Variants in DRC11L observed in about 807,000 individuals in gnomAD.
DRC11L encodes the protein dynein regulatory complex subunit 11 like.
At chr7:151,192,764 C>G in the DRC11L span, 2 of 399,156 alleles carry the variant, frequency 5.0e-6, no homozygotes, top group Admixed American at 4.4e-5. Context: ...CTTTGGGGGT[C>G]TTCTTATAGA....
chr7:151,200,427 G>A, the DRC11L span: 394 of 399,258 alleles, frequency 9.9e-4, no homozygotes, highest in Middle Eastern at 2.5e-3. Context: ...TGCTGAGTGC[G>A]TTTCCTCTGC....
chr7:151,203,009 T>A, the DRC11L span: 14 of 399,756 alleles, frequency 3.5e-5, no homozygotes, highest in Admixed American at 8.8e-5. Context: ...ATCTCTCGCA[T>A]GAAGGTGGCT....
At chr7:151,194,740 A>G in the DRC11L span, 6 of 393,074 alleles carry the variant, frequency 1.5e-5, no homozygotes, top group East Asian at 1.8e-4. Context: ...TTCTGTGGTC[A>G]AAAACATCTA....
the DRC11L span, chr7:151,197,367 G>T: frequency 2.5e-6 from 1 of 399,004 alleles, no homozygotes; most frequent in South Asian, 1.3e-4. Context: ...GAAGATCAAG[G>T]GGATTTTACA....
At chr7:151,201,367 C>T in the DRC11L span, among the ~76,000 whole-genome samples, 6 of 152,222 alleles carry the variant, frequency 3.9e-5, no homozygotes, top group Admixed American at 6.5e-5. This position sits in a 1 kb window ranked among gnomAD's most constrained non-coding sequence, Gnocchi z 4.1. Flanking sequence ...TGTCTGGCAA[C>T]AGGTACAAAA....
chr7:151,204,780 T>C, the DRC11L span: 1 of 398,998 alleles, frequency 2.5e-6, no homozygotes, highest in African/African-American at 2.1e-5. Context: ...AAGCTGCTCT[T>C]GGTCCAGCAG....
At chr7:151,196,849 T>C in the DRC11L span, 3 of 398,456 alleles carry the variant, frequency 7.5e-6, no homozygotes, top group Admixed American at 4.4e-5. Context: ...CATTTGGTGT[T>C]GTCCCCTTTG....
chr7:151,192,173 A>G, the DRC11L span: 2 of 398,184 alleles, frequency 5.0e-6, no homozygotes, highest in Admixed American at 4.4e-5. Context: ...CCCTTCCAGA[A>G]GACCGGGCTG....
chr7:151,197,794 A>G, the DRC11L span: 2 of 398,720 alleles, frequency 5.0e-6, no homozygotes, highest in Non-Finnish European at 8.9e-6. Flanking sequence ...GCCACAAAAA[A>G]CCATCTGCCC....
chr7:151,203,503 C>T, the DRC11L span: 5 of 398,986 alleles, frequency 1.3e-5, no homozygotes, highest in Non-Finnish European at 2.2e-5. Flanking sequence ...GGATTGGAAC[C>T]TCCAGGTCAG....
the DRC11L span, chr7:151,192,917 G>A: frequency 2.3e-5 from 9 of 398,572 alleles, no homozygotes; most frequent in Middle Eastern, 6.3e-4. Context: ...GATGAGGGCC[G>A]GCCTTGAGCA....
chr7:151,199,800 C>G, the DRC11L span, among the ~76,000 whole-genome samples: 1 of 152,240 alleles, frequency 6.6e-6, no homozygotes, highest in African/African-American at 2.4e-5. This position sits in a 1 kb window ranked among gnomAD's most constrained non-coding sequence, Gnocchi z 5.2. Flanking sequence ...GAGCATGCTC[C>G]GGCCACCCCT....
chr7:151,192,532 C>T, the DRC11L span: 1 of 398,370 alleles, frequency 2.5e-6, no homozygotes, highest in Admixed American at 4.4e-5. Flanking sequence ...TTCTCAGAGC[C>T]CACCCCACCC....
At chr7:151,199,454 C>A in the DRC11L span, among the ~76,000 whole-genome samples, 2 of 152,218 alleles carry the variant, frequency 1.3e-5, no homozygotes, top group Non-Finnish European at 1.5e-5. The surrounding 1 kb of genome is among the most constrained non-coding windows in gnomAD (Gnocchi z 5.2). Context: ...TAGGCCCGGG[C>A]GGCCGGGCTC....
chr7:151,192,692 C>T, the DRC11L span: 9 of 399,060 alleles, frequency 2.3e-5, no homozygotes, highest in Non-Finnish European at 4.0e-5. Context: ...TCCAGCTTAG[C>T]CCCAGCTCAC....
At chr7:151,203,950 G>A in the DRC11L span, among the ~76,000 whole-genome samples, 17 of 152,184 alleles carry the variant, frequency 1.1e-4, no homozygotes, top group African/African-American at 3.4e-4. Flanking sequence ...ACCCTGAGCC[G>A]GACTGGAGGC....
the DRC11L span, chr7:151,199,034 CA>C: frequency 2.5e-6 from 1 of 398,944 alleles, no homozygotes; most frequent in Non-Finnish European, 4.4e-6. The surrounding 1 kb of genome is among the most constrained non-coding windows in gnomAD (Gnocchi z 5.2). Context: ...CTGAGGGGCT[CA>C]GGAGTGGGAG....
the DRC11L span, chr7:151,192,322 G>A: frequency 1.3e-5 from 5 of 399,010 alleles, no homozygotes; most frequent in Middle Eastern, 6.2e-4. Context: ...GGATCCGCTC[G>A]TAGACCCGGC....
the DRC11L span, chr7:151,196,839 C>T: frequency 5.0e-6 from 2 of 398,288 alleles, no homozygotes; most frequent in East Asian, 7.1e-5. Context: ...TCCCTCTCCT[C>T]ATTTGGTGTT....
Sources: allele counts gnomAD v4.1 joint callset (sites outside exome capture counted in the v4.1 genomes callset), GRCh38; gene constraint gnomAD v4.1.1; non-coding constraint Gnocchi (gnomAD v3.1); transcripts MANE v1.5; gene names NCBI Gene and HGNC (gene_info 2026-07-23, HGNC 2026-07-21).